Variants in PARD3 observed in about 807,000 individuals in gnomAD.
PARD3 encodes partitioning defective 3 homolog.
A neutral mutation model predicts 155.4 loss-of-function variants in PARD3; 75 were observed. The ratio of observed to expected loss-of-function variants is 0.48; its 90% CI spans 0.40 to 0.58. PARD3 has a LOEUF of 0.58. Among genes scored for constraint, PARD3 ranks in the 20% least tolerant of loss-of-function variants. The pLI, the probability that PARD3 is intolerant of heterozygous loss-of-function variation, is 0.00. For missense variants in PARD3, 1,642 were observed against 1,721.7 expected (o/e 0.95, Z 0.82); for synonymous variants, 576 against 610.5 (o/e 0.94, Z 0.83).
In PARD3 at chr10:34,527,350, T is replaced by TACCTGCTGACTTC. The variant is rs1236608134; in HGVS notation, c.223-10204_223-10192dup. The stretch of plus-strand genomic sequence containing the variant: ...CTCACTTGGGAGTTCATAATCCCTT[T>TACCTGCTGACTTC]ACCTGCTGACTTCACAATTTGAACA... On this transcript the variant is annotated intron_variant, in intron 2 of 24. Transcript: ENST00000374788. Among the ~76,000 whole-genome samples, 18 of 152,342 alleles carry TACCTGCTGACTTC rather than the reference T, an allele frequency of 1.2e-4. 1 individual carries two copies. Among genetic ancestry groups the TACCTGCTGACTTC allele is most frequent in the African/African-American group, 4.1e-4 (17 of 41,582 alleles).
chr10:34,382,726 C>A lies in PARD3; in HGVS notation c.1213G>T (p.Ala405Ser). The change falls in exon 9 of 25, where the codon GCA (alanine) becomes TCA (serine). Residue 405 changes from alanine (A) to serine (S), a missense_variant. By Grantham distance (99) the Ala-to-Ser change is moderately conservative (BLOSUM62 1). Transcript: ENST00000374788. ...NSAGLHTVQR[A>S]PRLNHPPEQI... ...TCAGGCGGGTGGTTCAGTCGGGGTG[C>A]TCTCTGCACCGTGTGAAGCCCTGCA... 2.5e-6 allele frequency: 4 copies of A among 1,614,186 alleles called. No individual in the cohort carries two copies. Among genetic ancestry groups the A allele is most frequent in the Non-Finnish European group, 3.4e-6 (4 of 1,180,040 alleles).
At chr10:34,563,510 G>A (rs2085673490) in intron 2 of PARD3, among the ~76,000 whole-genome samples, 1 of 149,734 alleles carries the variant, frequency 6.7e-6, no homozygotes, top group East Asian at 2.0e-4. Context: ...GTGAATATAG[G>A]TGCACGCCAC....
intron 3 of PARD3, among the ~76,000 whole-genome samples, chr10:34,499,565 C>T (rs555249401): frequency 3.9e-5 from 6 of 151,938 alleles, no homozygotes; most frequent in African/African-American, 1.4e-4. Context: ...AAAAAAAATC[C>T]CATTAAAGGA....
At chr10:34,771,451 T>C (rs755454916) in intron 1 of PARD3, among the ~76,000 whole-genome samples, 3 of 152,228 alleles carry the variant, frequency 2.0e-5, no homozygotes, top group Non-Finnish European at 2.9e-5. Flanking sequence ...GAAGGCTGGC[T>C]ACAGTTATTA....
intron 20 of PARD3, among the ~76,000 whole-genome samples, chr10:34,313,177 C>T (rs745912468): frequency 1.3e-5 from 2 of 152,086 alleles, no homozygotes; most frequent in Non-Finnish European, 2.9e-5. Flanking sequence ...TTTGAATAGC[C>T]GAGTGTCTGA....
intron 21 of PARD3, among the ~76,000 whole-genome samples, chr10:34,278,200 C>T (rs180892035): frequency 1.3e-3 from 177 of 136,336 alleles, no homozygotes; most frequent in Non-Finnish European, 2.3e-3. Flanking sequence ...GTGCATACCA[C>T]CATGCCCTGC....
At position 34,147,076 on chromosome 10, in the gene PARD3, G is replaced by A. The variant is rs946677469; in HGVS notation, c.3420-15493C>T. On this transcript the variant is annotated intron_variant, in intron 22 of 24. Transcript: ENST00000374788. Reference sequence around the variant, plus strand: ...AGGTCTCATCCATCTTGAAAAGAAGGAATAATGGATATTTAACTTAAAAAA... The same window carrying A: ...AGGTCTCATCCATCTTGAAAAGAAGAAATAATGGATATTTAACTTAAAAAA... Among the ~76,000 whole-genome samples the A allele has an allele frequency of 2.8e-5, 4 of 145,262 alleles. No homozygotes were observed. The Admixed American group carries it at 2.8e-4, about 10-fold the overall frequency.
At chr10:34,532,929 A>C (rs1044238599) in intron 2 of PARD3, among the ~76,000 whole-genome samples, 1 of 152,184 alleles carries the variant, frequency 6.6e-6, no homozygotes, top group African/African-American at 2.4e-5. Flanking sequence ...ATATTACATA[A>C]ACCTGGAGGT....
intron 1 of PARD3, among the ~76,000 whole-genome samples, chr10:34,726,103 A>G (rs1344404117): frequency 6.6e-6 from 1 of 152,220 alleles, no homozygotes; most frequent in Non-Finnish European, 1.5e-5. Flanking sequence ...ATAACTTCCT[A>G]AAGCTCTTGG....
intron 2 of PARD3, among the ~76,000 whole-genome samples, chr10:34,693,581 G>A (rs1207079711): frequency 6.6e-6 from 1 of 151,992 alleles, no homozygotes; most frequent in Admixed American, 6.6e-5. Flanking sequence ...AAGAGGGAGA[G>A]GATCAAAAAA....
At chr10:34,681,762 ATATATATTTTTTTTTTTT>A (rs2093841353) in intron 2 of PARD3, among the ~76,000 whole-genome samples, 1 of 22,396 alleles carries the variant, frequency 4.5e-5, no homozygotes, top group Non-Finnish European at 7.2e-5. Flanking sequence ...ATATATATAT[ATATATATTTTTTTTTTTT>A]TTTTTTTTTT....
Position 34,599,923 on chromosome 10 carries a change from T to C in PARD3, c.223-82764A>G, listed in dbSNP as rs538239644. On this transcript the variant is annotated intron_variant, in intron 2 of 24. Coordinates refer to ENST00000374788, the MANE Select transcript of PARD3 (RefSeq NM_001184785.2). The stretch of plus-strand genomic sequence containing the variant: ...GATAAATGGTATCTACAAAGAAGCC[T>C]ACATTTGTCAAACTGGAACCTTTCC... Among the ~76,000 whole-genome samples the C allele has an allele frequency of 2.6e-5, 4 of 152,304 alleles. No homozygotes were observed. In the South Asian group the frequency reaches 8.3e-4, roughly 32 times the overall value.
intron 2 of PARD3, among the ~76,000 whole-genome samples, chr10:34,680,047 T>A (rs987942668): frequency 6.6e-6 from 1 of 151,988 alleles, no homozygotes; most frequent in Non-Finnish European, 1.5e-5. Context: ...AATATGAGCA[T>A]GTAAGAACCT....
chr10:34,615,727 T>C (rs1000507970), intron 2 of PARD3, among the ~76,000 whole-genome samples: 2 of 152,106 alleles, frequency 1.3e-5, no homozygotes, highest in African/African-American at 2.4e-5. Flanking sequence ...ATATACGATA[T>C]ATAAGAAACG....
At chr10:34,597,590 A>G (rs1396485718) in intron 2 of PARD3, among the ~76,000 whole-genome samples, 1 of 152,120 alleles carries the variant, frequency 6.6e-6, no homozygotes, top group Non-Finnish European at 1.5e-5. Flanking sequence ...CACCACATCC[A>G]GCCAATATCT....
At chr10:34,696,607 A>T (rs2133483584) in intron 1 of PARD3, among the ~76,000 whole-genome samples, 188 bp from the exon 2 acceptor site, 1 of 151,856 alleles carries the variant, frequency 6.6e-6, no homozygotes, top group Admixed American at 6.6e-5. Flanking sequence ...TTTATGATGG[A>T]GTGACTCATA....
chr10:34,755,405 T>C (rs1325261433), intron 1 of PARD3, among the ~76,000 whole-genome samples: 2 of 150,986 alleles, frequency 1.3e-5, no homozygotes, highest in African/African-American at 2.4e-5. Flanking sequence ...GGAGAGAAAC[T>C]CTGTCTCAAA....
At chr10:34,382,135 CCTT>C in intron 9 of PARD3, among the ~76,000 whole-genome samples, 1 of 152,126 alleles carries the variant, frequency 6.6e-6, no homozygotes, top group South Asian at 2.1e-4. Flanking sequence ...CTAAAGTCCT[CCTT>C]GAGGGCTGGA....
chr10:34,627,022 C>CTTT (rs75287986), intron 2 of PARD3, among the ~76,000 whole-genome samples: 8 of 143,450 alleles, frequency 5.6e-5, no homozygotes, highest in African/African-American at 2.0e-4. Context: ...AGATACCCAT[C>CTTT]TTTTTTTTTT....
Sources: allele counts gnomAD v4.1 joint callset (sites outside exome capture counted in the v4.1 genomes callset), GRCh38; gene constraint gnomAD v4.1.1; transcripts MANE v1.5; gene names NCBI Gene and HGNC (gene_info 2026-07-23, HGNC 2026-07-21).